GALNT13: variants seen among roughly 807,000 people sequenced by gnomAD.
GALNT13 encodes the protein polypeptide N-acetylgalactosaminyltransferase 13, also known as UDP-GalNAc:polypeptide N-acetylgalactosaminyltransferase 13.
Under a neutral mutation model 64.2 loss-of-function variants are expected in GALNT13, and 28 were observed. The ratio of observed to expected loss-of-function variants is 0.44; its 90% CI spans 0.32 to 0.60. GALNT13 has a LOEUF of 0.60. GALNT13 is among the 20% of genes least tolerant of loss of function. The pLI, the probability that GALNT13 is intolerant of heterozygous loss-of-function variation, is 0.05. For synonymous variants in GALNT13, 214 were observed against 224.6 expected, an observed-to-expected ratio of 0.95 and a Z score of 0.42; for missense variants, 577 against 669.8, an observed-to-expected ratio of 0.86 and a Z score of 1.53.
chr2:154,431,964 C>T (rs540255937), intron 11 of GALNT13, among the ~76,000 whole-genome samples: 3 of 152,150 alleles, frequency 2.0e-5, no homozygotes, highest in Non-Finnish European at 4.4e-5. Context: ...ATTACCCAGT[C>T]TTAGGTATGT....
the GALNT13 span, among the ~76,000 whole-genome samples, chr2:153,394,836 C>T: frequency 6.6e-6 from 1 of 152,138 alleles, no homozygotes; most frequent in Non-Finnish European, 1.5e-5. Flanking sequence ...TCACACATTC[C>T]ATGGGTCAGG....
intron 9 of GALNT13, among the ~76,000 whole-genome samples, chr2:154,368,814 C>T (rs34329921): frequency 0.11 from 16,181 of 152,124 alleles, 959 homozygotes; most frequent in Non-Finnish European, 0.14. Context: ...CTCCCGAATT[C>T]TTCATAACTT....
At chr2:153,876,469 TAC>T (rs2105224875) in intron 1 of GALNT13, among the ~76,000 whole-genome samples, 1 of 152,300 alleles carries the variant, frequency 6.6e-6, no homozygotes, top group South Asian at 2.1e-4. Context: ...TGAAAATGAA[TAC>T]ATTTAATTCA....
chr2:153,598,071 A>C, the GALNT13 span, among the ~76,000 whole-genome samples: 1 of 152,110 alleles, frequency 6.6e-6, no homozygotes, highest in South Asian at 2.1e-4. Context: ...GAAGTATAAA[A>C]CTGTTAAATA....
chr2:153,494,409 G>T, the GALNT13 span, among the ~76,000 whole-genome samples: 3 of 151,942 alleles, frequency 2.0e-5, no homozygotes, highest in Admixed American at 6.6e-5. Context: ...CAAAAGGATA[G>T]ATATAAAGGT....
chr2:153,213,880 G>C, the GALNT13 span, among the ~76,000 whole-genome samples: 1 of 152,128 alleles, frequency 6.6e-6, no homozygotes, highest in Non-Finnish European at 1.5e-5. Context: ...TTCATTAGGA[G>C]CATTAGTGCT....
chr2:153,954,564 A>G (rs1384168673), intron 3 of GALNT13, among the ~76,000 whole-genome samples: 1 of 151,276 alleles, frequency 6.6e-6, no homozygotes, highest in East Asian at 1.9e-4. Flanking sequence ...AATTATAATC[A>G]AGATCACAAT....
At chr2:154,156,109 A>G (rs1019130707) in intron 4 of GALNT13, among the ~76,000 whole-genome samples, 4 of 151,856 alleles carry the variant, frequency 2.6e-5, no homozygotes, top group Non-Finnish European at 4.4e-5. Context: ...CATTTTCACT[A>G]AAATGTCATA....
At chr2:153,954,445 T>C (rs989358335) in intron 3 of GALNT13, among the ~76,000 whole-genome samples, 1 of 152,050 alleles carries the variant, frequency 6.6e-6, no homozygotes, top group African/African-American at 2.4e-5. Flanking sequence ...ATAGGCCTTA[T>C]AAAATTTTGA....
At position 154,242,803 on chromosome 2, in the gene GALNT13, G is replaced by T; in HGVS notation, c.584G>T (p.Gly195Val). 6.2e-7 allele frequency: 1 copy of T among 1,614,108 alleles called. No homozygotes were observed. The highest frequency in any genetic ancestry group is 8.5e-7 in the Non-Finnish European group (1 of 1,179,968). The change falls in exon 6 of 13, where the codon GGA becomes GTA. Residue 195 changes from glycine (G) to valine (V), a missense_variant. This residue lies in a region of GALNT13 where 341 missense variants were observed against 379.3 expected (regional missense o/e 0.90). Transcript: ENST00000392825. ...GGGTTAATACGTGCCCGTCTTCGAG[G>T]AGCAGCTGCTTCAAAAGGGCAGGTC... ...RSGLIRARLR[G>V]AAASKGQVIT... is the part of the protein sequence containing the mutation.
the GALNT13 span, among the ~76,000 whole-genome samples, chr2:153,071,988 G>T: frequency 4.6e-5 from 7 of 152,100 alleles, no homozygotes; most frequent in Admixed American, 1.3e-4. Context: ...TAACTAGCTC[G>T]TCTCTGTTTC....
At chr2:153,444,209 C>A in the GALNT13 span, among the ~76,000 whole-genome samples, 3 of 152,280 alleles carry the variant, frequency 2.0e-5, no homozygotes, top group East Asian at 3.9e-4. Flanking sequence ...ACCTACCTAC[C>A]TACCTACTTG....
chr2:153,093,998 A>C, the GALNT13 span, among the ~76,000 whole-genome samples: 1 of 151,962 alleles, frequency 6.6e-6, no homozygotes, highest in African/African-American at 2.4e-5. Context: ...TGATCCTTTG[A>C]ATTTCTGCAG....
chr2:153,094,618 T>C, the GALNT13 span, among the ~76,000 whole-genome samples: 10 of 152,262 alleles, frequency 6.6e-5, no homozygotes, highest in East Asian at 5.8e-4. Flanking sequence ...GGAGGCATCA[T>C]GCTACCTGAC....
At chr2:153,920,632 G>A (rs1689690557) in intron 2 of GALNT13, among the ~76,000 whole-genome samples, 1 of 152,046 alleles carries the variant, frequency 6.6e-6, no homozygotes. Context: ...ATTGACAAAT[G>A]GGACCTAATT....
the GALNT13 span, among the ~76,000 whole-genome samples, chr2:153,840,620 G>A: frequency 7.9e-5 from 12 of 152,070 alleles, no homozygotes; most frequent in Admixed American, 7.9e-4. Context: ...CATTATAAAG[G>A]CAGAGCATAA....
chr2:153,946,706 A>G (rs1198819326), intron 3 of GALNT13, among the ~76,000 whole-genome samples: 1 of 152,102 alleles, frequency 6.6e-6, no homozygotes, highest in African/African-American at 2.4e-5. Context: ...CAAAGGCCCT[A>G]TCTCCTAATA....
chr2:153,426,176 T>C, the GALNT13 span, among the ~76,000 whole-genome samples: 6 of 151,924 alleles, frequency 3.9e-5, no homozygotes, highest in African/African-American at 9.7e-5. Flanking sequence ...ATCTAGTCTT[T>C]GTTGCCATTA....
chr2:153,560,610 T>A, the GALNT13 span, among the ~76,000 whole-genome samples: 1 of 152,132 alleles, frequency 6.6e-6, no homozygotes, highest in East Asian at 1.9e-4. Context: ...TGATTTGAGA[T>A]GACACTTTTA....
Sources: gnomAD v4.1 joint callset for allele counts (sites outside exome capture counted in the v4.1 genomes callset) on GRCh38, gnomAD v4.1.1 for gene constraint, gnomAD v4.1.1 regional missense constraint, MANE v1.5 for transcripts, NCBI Gene and HGNC (gene_info 2026-07-23, HGNC 2026-07-21) for gene names.